Variants in GPX3 observed in about 807,000 individuals in gnomAD.
GPX3 encodes the protein GPx-3.
Under a neutral mutation model 25.1 loss-of-function variants are expected in GPX3, and 22 were observed. The observed-to-expected ratio is 0.88, with a 90% CI of 0.63 to 1.25. GPX3 has a LOEUF of 1.25. Ranked by LOEUF, GPX3 falls within the 50% of genes most tolerant of loss-of-function variation. The pLI, the probability that GPX3 is intolerant of heterozygous loss-of-function variation, is 0.00. For synonymous variants in GPX3, 110 were observed against 114.5 expected (o/e 0.96, Z 0.25); for missense variants, 278 against 286.6 (o/e 0.97, Z 0.22).
In GPX3 at chr5:151,020,756, G is replaced by A. The variant is rs754663470; in HGVS notation, c.87+15G>A. The A allele has an allele frequency of 3.1e-6, 5 of 1,605,996 alleles. No homozygotes were observed. The highest frequency in any genetic ancestry group is 2.7e-5 in the African/African-American group (2 of 74,796). On this transcript the variant is annotated intron_variant, in intron 1 of 4. Transcript: ENST00000388825. ...AGAAGTCGAAGGTGAGTGAGCCTCC[G>A]GGCCGGGGGCCGGGAGAAAAAACCT...
chr5:151,023,986 C>G (rs1016430954), intron 1 of GPX3, among the ~76,000 whole-genome samples: 1 of 152,200 alleles, frequency 6.6e-6, no homozygotes, highest in African/African-American at 2.4e-5. Flanking sequence ...GGGGCCACGC[C>G]CTGCCAGCAT....
At chr5:151,026,741 C>T in intron 2 of GPX3, 159 bp from the exon 3 acceptor site, 2 of 619,158 alleles carry the variant, frequency 3.2e-6, no homozygotes, top group Non-Finnish European at 5.8e-6. Context: ...ACCTGAGTCC[C>T]AGCATTGCTG....
intron 2 of GPX3, among the ~76,000 whole-genome samples, chr5:151,025,732 A>G (rs1416481742): frequency 6.6e-6 from 1 of 152,230 alleles, no homozygotes; most frequent in Non-Finnish European, 1.5e-5. Context: ...GGGCACCTCA[A>G]CAACCCTAAA....
intron 1 of GPX3, among the ~76,000 whole-genome samples, chr5:151,022,601 A>G (rs1756493238): frequency 6.6e-6 from 1 of 152,206 alleles, no homozygotes; most frequent in African/African-American, 2.4e-5. Flanking sequence ...AAGGTGACTC[A>G]GCCCCAGAGA....
chr5:151,027,034 C>A lies in GPX3; in HGVS notation c.359+17C>A. 6.6e-7 allele frequency: 1 copy of A among 1,518,372 alleles called. No individual in the cohort carries two copies. The highest frequency in any genetic ancestry group is 9.1e-7 in the Non-Finnish European group (1 of 1,095,150). The allele number at this position is 1,518,372 out of a possible 1,614,324, so 94.1% of individuals were successfully genotyped here. On this transcript the variant is annotated intron_variant, in intron 3 of 4. Transcript: ENST00000388825. ...TACCCTCAAGTGAGTACTCACTCAG[C>A]ATCCTGAGAAAGCTCCTCTCACATG...
intron 3 of GPX3, 45 bp from the exon 4 acceptor site, chr5:151,027,387 C>T (rs748914655): frequency 4.7e-6 from 6 of 1,269,484 alleles, no homozygotes; most frequent in Non-Finnish European, 6.9e-6. Context: ...TTTCTGAGCC[C>T]TGTGCCCACC....
intron 2 of GPX3, chr5:151,026,676 A>AT (rs2113147789): frequency 4.4e-6 from 2 of 451,518 alleles, no homozygotes; most frequent in East Asian, 7.0e-5. Flanking sequence ...GAGGAAGGGT[A>AT]TTATTCTTGT....
chr5:151,025,236 T>C (rs1756529868), intron 1 of GPX3, 104 bp from the exon 2 acceptor site: 6 of 930,718 alleles, frequency 6.4e-6, no homozygotes, highest in Non-Finnish European at 9.3e-6. Context: ...GGTGATTACT[T>C]TGAGAAAGTC....
At chr5:151,027,636 A>G (rs1167193696) in intron 4 of GPX3, 105 bp downstream of exon 4, 2 of 763,164 alleles carry the variant, frequency 2.6e-6, no homozygotes, top group African/African-American at 3.5e-5. Flanking sequence ...CTCTTGGGGA[A>G]TTTCTTGGCA....
At chr5:151,027,796 C>A in intron 4 of GPX3, 113 bp from the exon 5 acceptor site, 1 of 909,264 alleles carries the variant, frequency 1.1e-6, no homozygotes, top group Non-Finnish European at 1.8e-6. Flanking sequence ...AGTCTTCTAA[C>A]TCCCAAACTG....
At position 151,028,214 on chromosome 5, in the gene GPX3, A is replaced by G; in HGVS notation, c.*84A>G. 1 of 1,221,150 alleles carries G rather than the reference A, an allele frequency of 8.2e-7. No individual in the cohort carries two copies. The highest frequency in any genetic ancestry group is 1.2e-6 in the Non-Finnish European group (1 of 851,128). The allele number at this position is 1,221,150 out of a possible 1,614,324, so 75.6% of individuals were successfully genotyped here. A position where few individuals can be genotyped will look rare whatever the true frequency, so the allele number is the denominator to read the frequency against. ...ATCCGTGTCTCCAACCACACTATCT[A>G]CCCATCACAGACCCCTTTCCTATCA... is the stretch of plus-strand genomic sequence containing the variant. On this transcript the variant is annotated 3_prime_UTR_variant, in exon 5 of 5. Transcript: ENST00000388825.
At chr5:151,020,877 CT>C in intron 1 of GPX3, 136 bp downstream of exon 1, 1 of 835,348 alleles carries the variant, frequency 1.2e-6, no homozygotes, top group Non-Finnish European at 2.0e-6. Context: ...TCCTGAACCC[CT>C]TTTGCCGCCC....
In GPX3 at chr5:151,026,923, C is replaced by T; in HGVS notation, c.265C>T (p.Leu89Phe). 6.2e-7 allele frequency: 1 copy of T among 1,613,966 alleles called. No homozygotes were observed. Among genetic ancestry groups the T allele is most frequent in the East Asian group, 2.2e-5 (1 of 44,888 alleles). ...YIELNALQEE[L>F]APFGLVILGF... is the part of the protein sequence containing the mutation. ...AGAACTGAATGCACTACAGGAAGAG[C>T]TTGCACCATTCGGTCTGGTCATTCT... Residue 89 changes from leucine (L) to phenylalanine (F), a missense_variant, in exon 3 of 5, where the codon CTT becomes TTT. By Grantham distance (22) the Leu-to-Phe change is conservative. Transcript: ENST00000388825.
Position 151,028,301 on chromosome 5 carries a change from G to A in GPX3, c.*171G>A, listed in dbSNP as rs1187556261. On this transcript the variant is annotated 3_prime_UTR_variant, in exon 5 of 5. Transcript: ENST00000388825. ...GTTCTGTGTACTGCCAGGCATGTGG[G>A]TGTGGGTGCATGTGGGTGTTTACAC... 7 of 639,572 alleles carry A rather than the reference G, an allele frequency of 1.1e-5. No homozygotes were observed. Among genetic ancestry groups the A allele is most frequent in the Non-Finnish European group, 1.9e-5 (7 of 362,204 alleles). 39.6% of individuals were successfully genotyped at this position (639,572 alleles called of 1,614,324 possible). A position where few individuals can be genotyped will look rare whatever the true frequency, so the allele number is the denominator to read the frequency against.
At position 151,028,355 on chromosome 5, in the gene GPX3, G is replaced by A; in HGVS notation, c.*225G>A. On this transcript the variant is annotated 3_prime_UTR_variant, in exon 5 of 5. Transcript: ENST00000388825. ...TGCCTACAGGTATGCGTGATTGTGT[G>A]TGTGTGCATGGGTGTACAGCCACGT... 1.8e-6 allele frequency: 1 copy of A among 558,682 alleles called. No homozygotes were observed. Among genetic ancestry groups the A allele is most frequent in the Non-Finnish European group, 3.2e-6 (1 of 308,318 alleles). The allele number at this position is 558,682 out of a possible 1,614,324, so 34.6% of individuals were successfully genotyped here. A position where few individuals can be genotyped will look rare whatever the true frequency, so the allele number is the denominator to read the frequency against.
chr5:151,025,626 G>A, intron 2 of GPX3, 133 bp downstream of exon 2: 2 of 722,814 alleles, frequency 2.8e-6, no homozygotes, highest in Non-Finnish European at 4.3e-6. Context: ...CAGCTCCACT[G>A]TGTTCCGTGG....
At chr5:151,027,658 T>C (rs1756572432) in intron 4 of GPX3, 127 bp downstream of exon 4, 2 of 703,694 alleles carry the variant, frequency 2.8e-6, no homozygotes, top group South Asian at 1.8e-5. Flanking sequence ...CTGACTATTG[T>C]TCCAACTAGA....
chr5:151,026,827 C>G, intron 2 of GPX3, 73 bp from the exon 3 acceptor site: 2 of 1,070,578 alleles, frequency 1.9e-6, no homozygotes, highest in South Asian at 2.8e-5. Context: ...GCGGGTGAGC[C>G]GGGGGAGTGG....
Position 151,028,330 on chromosome 5 carries a change from TGCCTACAGGTATGC to T in GPX3, c.*202_*215del. The T allele has an allele frequency of 6.8e-6, 4 of 589,964 alleles. No homozygotes were observed. The highest frequency in any genetic ancestry group is 1.2e-5 in the Non-Finnish European group (4 of 327,390). 36.5% of individuals were successfully genotyped at this position (589,964 alleles called of 1,614,324 possible). ...GGGTGCATGTGGGTGTTTACACACA[TGCCTACAGGTATGC>T]GTGATTGTGTGTGTGTGCATGGGTG... is the stretch of plus-strand genomic sequence containing the variant. On this transcript the variant is annotated 3_prime_UTR_variant, in exon 5 of 5. Transcript: ENST00000388825.
Sources: allele counts gnomAD v4.1 joint callset (sites outside exome capture counted in the v4.1 genomes callset), GRCh38; gene constraint gnomAD v4.1.1; transcripts MANE v1.5; gene names NCBI Gene and HGNC (gene_info 2026-07-23, HGNC 2026-07-21).